COBL: variants seen among roughly 807,000 people sequenced by gnomAD.
COBL encodes protein cordon-bleu.
COBL carries 51 observed loss-of-function variants against 98.8 expected under a neutral mutation model. That is an observed-to-expected ratio of 0.52 (90% CI 0.41 to 0.65). The LOEUF is 0.65. Among genes scored for constraint, COBL ranks in the 30% least tolerant of loss-of-function variants. COBL has a pLI of 0.00. For missense variants in COBL, 1,617 were observed against 1,617.5 expected (o/e 1.00, Z 0.01); for synonymous variants, 634 against 651.7 (o/e 0.97, Z 0.41).
intron 12 of COBL, among the ~76,000 whole-genome samples, chr7:51,020,211 G>A (rs957830804): frequency 3.3e-5 from 5 of 152,190 alleles, no homozygotes; most frequent in Admixed American, 1.3e-4. Context: ...CCCCATTTTC[G>A]CACCTGTCAA....
At chr7:51,147,685 C>T (rs1785157739) in intron 5 of COBL, among the ~76,000 whole-genome samples, 1 of 152,122 alleles carries the variant, frequency 6.6e-6, no homozygotes, top group Admixed American at 6.5e-5. Flanking sequence ...CTAGTATAAG[C>T]ATGCCAGGGC....
At chr7:51,203,951 G>A (rs11506068) in intron 2 of COBL, among the ~76,000 whole-genome samples, 106 of 152,214 alleles carry the variant, frequency 7.0e-4, no homozygotes, top group African/African-American at 2.4e-3. Context: ...TATCCCTGAC[G>A]AACATGGATG....
At chr7:51,179,751 A>G (rs1007330791) in intron 5 of COBL, among the ~76,000 whole-genome samples, 1 of 152,212 alleles carries the variant, frequency 6.6e-6, no homozygotes, top group Non-Finnish European at 1.5e-5. Context: ...TTTGGAGATC[A>G]TGCCGTTGAA....
intron 1 of COBL, among the ~76,000 whole-genome samples, chr7:51,268,560 C>T (rs1798436863): frequency 6.6e-6 from 1 of 152,172 alleles, no homozygotes; most frequent in Admixed American, 6.5e-5. Context: ...GGGATGTGAT[C>T]TTCACAGCCC....
intron 8 of COBL, among the ~76,000 whole-genome samples, chr7:51,037,154 T>C (rs1788731616): frequency 6.6e-6 from 1 of 152,176 alleles, no homozygotes; most frequent in African/African-American, 2.4e-5. Context: ...AAACATGTTA[T>C]AAATAAAGAG....
At chr7:51,228,804 A>G (rs1425353184) in intron 1 of COBL, among the ~76,000 whole-genome samples, 1 of 152,170 alleles carries the variant, frequency 6.6e-6, no homozygotes, top group African/African-American at 2.4e-5. Context: ...TCACTTAACT[A>G]TCGGCAAATA....
chr7:51,256,081 T>G (rs2129142395), intron 1 of COBL, among the ~76,000 whole-genome samples: 1 of 152,244 alleles, frequency 6.6e-6, no homozygotes, highest in South Asian at 2.1e-4. Context: ...GCCGTGTGGC[T>G]CAGCTGAGAC....
chr7:51,262,829 G>A (rs1797835632), intron 1 of COBL, among the ~76,000 whole-genome samples: 1 of 152,110 alleles, frequency 6.6e-6, no homozygotes. Context: ...TTCCCTCACT[G>A]CCCACGCCCT....
intron 1 of COBL, among the ~76,000 whole-genome samples, chr7:51,273,092 G>A (rs1319903766): frequency 6.6e-6 from 1 of 152,262 alleles, no homozygotes; most frequent in East Asian, 1.9e-4. Context: ...ACTTTGGGAG[G>A]CCAAGGTAGG....
In COBL at chr7:51,016,757, C is replaced by A; in HGVS notation, c.*794G>T. ...CCGTACACAGGCACCGTGGGGGAGG[C>A]CTATGTCACTTCATAGCCTGGGGAA... On this transcript the variant is annotated 3_prime_UTR_variant, in exon 13 of 13. Coordinates refer to ENST00000265136, the MANE Select transcript of COBL (RefSeq NM_015198.5). 1 of 394,926 alleles carries A rather than the reference C, an allele frequency of 2.5e-6. No homozygotes were observed. The highest frequency in any genetic ancestry group is 3.6e-5 in the East Asian group (1 of 27,938). 24.5% of individuals were successfully genotyped at this position (394,926 alleles called of 1,614,324 possible). A position where few individuals can be genotyped will look rare whatever the true frequency, so the allele number is the denominator to read the frequency against.
intron 5 of COBL, among the ~76,000 whole-genome samples, chr7:51,159,783 G>C (rs540668530): frequency 1.3e-5 from 2 of 151,916 alleles, no homozygotes; most frequent in Non-Finnish European, 2.9e-5. Flanking sequence ...CCCATTGTAA[G>C]AATCGAACAC....
intron 6 of COBL, among the ~76,000 whole-genome samples, chr7:51,091,064 A>G (rs1419426444): frequency 6.6e-6 from 1 of 152,262 alleles, no homozygotes; most frequent in Non-Finnish European, 1.5e-5. Context: ...CACTGTAAGA[A>G]GCCAGTCCGT....
At chr7:51,060,024 C>T (rs1791169397) in intron 7 of COBL, among the ~76,000 whole-genome samples, 2 of 152,146 alleles carry the variant, frequency 1.3e-5, no homozygotes, top group South Asian at 4.1e-4. Context: ...ATGGGTCCTG[C>T]CGTAAGCTCT....
chr7:51,129,884 G>A (rs1798572288), intron 6 of COBL, among the ~76,000 whole-genome samples: 1 of 152,170 alleles, frequency 6.6e-6, no homozygotes, highest in African/African-American at 2.4e-5. Context: ...GATACCTGTT[G>A]CTCTAGCGAA....
chr7:51,252,574 A>T (rs1796821867), intron 1 of COBL, among the ~76,000 whole-genome samples: 1 of 152,212 alleles, frequency 6.6e-6, no homozygotes, highest in East Asian at 1.9e-4. Flanking sequence ...CTGTTTTGAA[A>T]AAGACTCTCA....
intron 7 of COBL, among the ~76,000 whole-genome samples, chr7:51,047,600 T>C (rs2128893495): frequency 6.6e-6 from 1 of 152,330 alleles, no homozygotes; most frequent in East Asian, 1.9e-4. Context: ...ATTGCTTTTT[T>C]TGTGGTTCAT....
At chr7:51,094,911 T>C (rs1010446579) in intron 6 of COBL, among the ~76,000 whole-genome samples, 1 of 152,350 alleles carries the variant, frequency 6.6e-6, no homozygotes, top group African/African-American at 2.4e-5. Context: ...TTTTGTATGT[T>C]ACTGAAGTTA....
intron 2 of COBL, among the ~76,000 whole-genome samples, chr7:51,208,700 C>T (rs1584180973): frequency 6.6e-6 from 1 of 152,182 alleles, no homozygotes; most frequent in Admixed American, 6.5e-5. Context: ...GGAGACTTTT[C>T]ATTTTGTTCT....
At chr7:51,248,985 A>G (rs1256283336) in intron 1 of COBL, among the ~76,000 whole-genome samples, 2 of 152,222 alleles carry the variant, frequency 1.3e-5, no homozygotes, top group Non-Finnish European at 2.9e-5. Context: ...AAAGATACTG[A>G]GATAAACCAG....
Sources: allele counts gnomAD v4.1 joint callset (sites outside exome capture counted in the v4.1 genomes callset), GRCh38; gene constraint gnomAD v4.1.1; transcripts MANE v1.5; gene names NCBI Gene and HGNC (gene_info 2026-07-23, HGNC 2026-07-21).